Variants in STPG2 observed in about 807,000 individuals in gnomAD.
The protein encoded by STPG2 is sperm tail PG-rich repeat containing 2.
In STPG2, 56 loss-of-function variants were observed where a neutral mutation model predicts 54.2. The ratio of observed to expected loss-of-function variants is 1.03; its 90% confidence interval spans 0.83 to 1.29. STPG2 has a LOEUF of 1.29. Among genes scored for constraint, STPG2 ranks in the 50% most tolerant of loss-of-function variants. The pLI is 0.00. For missense variants in STPG2, 596 were observed against 544.9 expected (o/e 1.09, Z -0.93); for synonymous variants, 200 against 181.8 (o/e 1.10, Z -0.81).
chr4:98,064,304 ATTC>A (rs1737756226), intron 5 of STPG2, among the ~76,000 whole-genome samples: 1 of 152,228 alleles, frequency 6.6e-6, no homozygotes, highest in Admixed American at 6.5e-5. Flanking sequence ...ATAGTTTGAC[ATTC>A]TTGTTATCGC....
At chr4:98,024,194 T>C (rs933461352) in intron 5 of STPG2, among the ~76,000 whole-genome samples, 1 of 152,298 alleles carries the variant, frequency 6.6e-6, no homozygotes. Context: ...CTTCTTTCCT[T>C]TATAAATTAC....
intron 8 of STPG2, among the ~76,000 whole-genome samples, chr4:97,928,567 C>T (rs1732421890): frequency 6.6e-6 from 1 of 152,082 alleles, no homozygotes. Context: ...TGACCTCTCC[C>T]TGGGTCCATT....
intron 5 of STPG2, among the ~76,000 whole-genome samples, chr4:98,094,547 G>A (rs570540768): frequency 2.8e-4 from 43 of 152,298 alleles, no homozygotes; most frequent in African/African-American, 9.4e-4. Flanking sequence ...TGGGGTCCCC[G>A]AGTCCAGGCC....
At chr4:97,975,057 G>A (rs1447401934) in intron 6 of STPG2, among the ~76,000 whole-genome samples, 1 of 152,180 alleles carries the variant, frequency 6.6e-6, no homozygotes, top group Non-Finnish European at 1.5e-5. Context: ...CTTGAATAAT[G>A]TATAATTCCA....
chr4:97,687,811 T>C (rs1237626427), intron 10 of STPG2, among the ~76,000 whole-genome samples: 1 of 152,162 alleles, frequency 6.6e-6, no homozygotes, highest in African/African-American at 2.4e-5. Flanking sequence ...GAAAAGAACC[T>C]GTATATGTTC....
intron 5 of STPG2, chr4:98,026,117 C>T (rs184051689): frequency 1.5e-5 from 22 of 1,458,222 alleles, no homozygotes; most frequent in Admixed American, 5.4e-5. Context: ...TGCTGCTATA[C>T]GAGAGAATCC....
rs1734359548 is a variant in STPG2 at position 97,972,370 on chromosome 4, C to T, written c.843G>A (p.Gln281=). 1 of 1,610,142 alleles carries T rather than the reference C, an allele frequency of 6.2e-7. No homozygotes were observed. Among genetic ancestry groups the T allele is most frequent in the Non-Finnish European group, 8.5e-7 (1 of 1,177,578 alleles). Residue 281 remains glutamine, a synonymous_variant, in exon 7 of 11, where the codon CAG becomes CAA. Coordinates refer to ENST00000295268, the MANE Select transcript of STPG2 (RefSeq NM_174952.3). Reference sequence around the variant, plus strand: ...CAGAAGAACCAAATGCACTTTTCTTCTGTTTCTTTGAGCAGATATTTCTAA... The same window carrying T: ...CAGAAGAACCAAATGCACTTTTCTTTTGTTTCTTTGAGCAGATATTTCTAA... ...ASVRNICSKK[Q]KKSAFGSSVP...
intron 4 of STPG2, among the ~76,000 whole-genome samples, chr4:97,463,241 C>CT (rs1215279424): frequency 6.6e-6 from 1 of 151,974 alleles, no homozygotes; most frequent in Non-Finnish European, 1.5e-5. Context: ...ACCTTTACTT[C>CT]TTTGCTCAGT....
chr4:97,844,150 A>G (rs927935694), intron 8 of STPG2, among the ~76,000 whole-genome samples: 3 of 151,874 alleles, frequency 2.0e-5, no homozygotes, highest in African/African-American at 7.2e-5. Context: ...GCTCACTGCT[A>G]TTTTGACATA....
intron 5 of STPG2, among the ~76,000 whole-genome samples, chr4:98,059,068 G>T (rs950988971): frequency 2.0e-5 from 3 of 149,630 alleles, no homozygotes; most frequent in African/African-American, 4.9e-5. Flanking sequence ...TGTTTTTTTT[G>T]AAAAAATTAG....
At chr4:97,668,205 C>T (rs1722584612) in intron 10 of STPG2, among the ~76,000 whole-genome samples, 3 of 151,986 alleles carry the variant, frequency 2.0e-5, no homozygotes, top group African/African-American at 7.2e-5. Context: ...GTATTCAAGG[C>T]AACAGGCAAA....
chr4:97,686,270 CTG>C (rs1553949933), intron 10 of STPG2, among the ~76,000 whole-genome samples: 3 of 151,558 alleles, frequency 2.0e-5, no homozygotes, highest in Non-Finnish European at 4.4e-5. Flanking sequence ...CTCTCTCTCT[CTG>C]TCTTTCATAT....
At chr4:97,790,894 A>G (rs1014622785) in intron 9 of STPG2, among the ~76,000 whole-genome samples, 2 of 152,162 alleles carry the variant, frequency 1.3e-5, no homozygotes, top group Non-Finnish European at 2.9e-5. Flanking sequence ...TTCCAGGGAT[A>G]TGAACATGGA....
chr4:97,995,057 G>A (rs747964738), intron 5 of STPG2, among the ~76,000 whole-genome samples: 39 of 152,038 alleles, frequency 2.6e-4, no homozygotes, highest in South Asian at 6.2e-4. Context: ...TCTTTGCTGC[G>A]TCACACAGGT....
intron 4 of STPG2, among the ~76,000 whole-genome samples, chr4:97,536,617 A>G (rs1731537541): frequency 6.6e-6 from 1 of 152,194 alleles, no homozygotes. Context: ...AATGGTCCCA[A>G]ACTAGGTGGG....
intron 10 of STPG2, among the ~76,000 whole-genome samples, chr4:97,631,908 T>C (rs1328546247): frequency 1.3e-5 from 2 of 152,102 alleles, no homozygotes; most frequent in Non-Finnish European, 2.9e-5. Context: ...TAAGAAAAGA[T>C]AGATTAAATG....
At chr4:97,873,415 TTTTA>T (rs1426286711) in intron 8 of STPG2, among the ~76,000 whole-genome samples, 2 of 151,552 alleles carry the variant, frequency 1.3e-5, no homozygotes, top group Admixed American at 6.6e-5. Flanking sequence ...TATAGTTCTT[TTTTA>T]TTTTAGTCTG....
intron 8 of STPG2, among the ~76,000 whole-genome samples, chr4:97,873,986 C>G (rs894763160): frequency 1.3e-5 from 2 of 151,048 alleles, no homozygotes; most frequent in African/African-American, 2.4e-5. Flanking sequence ...TATTTTTTCT[C>G]TAATTATGTA....
chr4:97,829,006 A>T (rs1560544055), intron 9 of STPG2, among the ~76,000 whole-genome samples: 1 of 152,166 alleles, frequency 6.6e-6, no homozygotes, highest in Non-Finnish European at 1.5e-5. Context: ...CTCGAAGCAC[A>T]GCGTTTGAGT....
Sources: gnomAD v4.1 joint callset for allele counts (sites outside exome capture counted in the v4.1 genomes callset) on GRCh38, gnomAD v4.1.1 for gene constraint, MANE v1.5 for transcripts, NCBI Gene and HGNC (gene_info 2026-07-23, HGNC 2026-07-21) for gene names.